Variants in CALN1 observed in about 807,000 individuals in gnomAD.
CALN1 encodes calcium-binding protein 8.
Under a neutral mutation model 30.6 loss-of-function variants are expected in CALN1, and 17 were observed. That is an observed-to-expected ratio of 0.56 (90% CI 0.38 to 0.83). The LOEUF (loss-of-function observed/expected upper bound fraction) is 0.83, where lower values mean the gene tolerates loss of function less well. Ranked by LOEUF, CALN1 falls within the 40% of genes least tolerant of loss-of-function variation. The pLI is 0.00. For missense variants in CALN1, 291 were observed against 354.9 expected (o/e 0.82, Z 1.45); for synonymous variants, 156 against 131.4 (o/e 1.19, Z -1.28).
At chr7:71,849,940 G>A (rs1347871599) in intron 5 of CALN1, among the ~76,000 whole-genome samples, 2 of 152,132 alleles carry the variant, frequency 1.3e-5, no homozygotes, top group Non-Finnish European at 2.9e-5. Flanking sequence ...ACCCGTACTA[G>A]CAACTTTTAA....
At chr7:72,045,547 G>C (rs1477210645) in intron 4 of CALN1, among the ~76,000 whole-genome samples, 2 of 152,020 alleles carry the variant, frequency 1.3e-5, no homozygotes, top group Non-Finnish European at 2.9e-5. Flanking sequence ...TCTTTTTTTG[G>C]AGACAGGGTC....
chr7:72,025,129 G>A (rs1159178754), intron 4 of CALN1, among the ~76,000 whole-genome samples: 1 of 152,072 alleles, frequency 6.6e-6, no homozygotes, highest in African/African-American at 2.4e-5. Flanking sequence ...TGACCAACAT[G>A]GTGAAACCCT....
At chr7:72,076,830 A>G (rs1414672625) in intron 4 of CALN1, among the ~76,000 whole-genome samples, 3 of 152,114 alleles carry the variant, frequency 2.0e-5, no homozygotes, top group Non-Finnish European at 4.4e-5. Flanking sequence ...GGGCCAGGAT[A>G]CTAGACCAGC....
chr7:72,421,511 T>C (rs1179317982), intron 1 of CALN1, among the ~76,000 whole-genome samples: 2 of 151,986 alleles, frequency 1.3e-5, no homozygotes, highest in African/African-American at 4.8e-5. Context: ...GGTGTCATTT[T>C]GTCTTTATTT....
intron 5 of CALN1, among the ~76,000 whole-genome samples, chr7:71,830,049 G>A (rs936458244): frequency 2.5e-5 from 2 of 81,220 alleles, no homozygotes; most frequent in Admixed American, 1.2e-4. Flanking sequence ...TTTTTTTTTT[G>A]TTCTTTTTTG....
chr7:71,990,839 C>G (rs1328133114), intron 5 of CALN1, among the ~76,000 whole-genome samples: 1 of 152,154 alleles, frequency 6.6e-6, no homozygotes, highest in African/African-American at 2.4e-5. Context: ...CAAATTCTTT[C>G]TTGTGCGAGG....
chr7:72,442,545 G>A (rs921325396), intron 1 of CALN1, among the ~76,000 whole-genome samples: 10 of 148,490 alleles, frequency 6.7e-5, no homozygotes, highest in Non-Finnish European at 1.2e-4. Flanking sequence ...GCTTATTTAG[G>A]ATTGGACTTT....
chr7:71,821,929 G>A (rs541633442), intron 5 of CALN1, among the ~76,000 whole-genome samples: 23 of 150,130 alleles, frequency 1.5e-4, no homozygotes, highest in African/African-American at 5.4e-4. Flanking sequence ...CTGGGACTAC[G>A]GCTAATTTTT....
At chr7:72,083,786 G>A (rs1325075805) in intron 4 of CALN1, among the ~76,000 whole-genome samples, 1 of 151,970 alleles carries the variant, frequency 6.6e-6, no homozygotes. Context: ...GGGCATGGTG[G>A]CATATGCCTG....
chr7:72,333,366 T>C (rs2129558250), intron 2 of CALN1, among the ~76,000 whole-genome samples: 1 of 152,352 alleles, frequency 6.6e-6, no homozygotes, highest in African/African-American at 2.4e-5. Flanking sequence ...TTGTTGAATG[T>C]TAAATGATTA....
intron 3 of CALN1, among the ~76,000 whole-genome samples, chr7:72,171,674 G>C (rs1282444574): frequency 6.6e-6 from 1 of 152,146 alleles, no homozygotes; most frequent in African/African-American, 2.4e-5. Flanking sequence ...GAGAAAAAAA[G>C]AGATTTTTGA....
chr7:72,434,051 C>T (rs1347722750), intron 1 of CALN1, among the ~76,000 whole-genome samples: 1 of 151,186 alleles, frequency 6.6e-6, no homozygotes, highest in East Asian at 1.9e-4. Context: ...AAAAGTGAGA[C>T]CCTGTTCCTG....
At chr7:72,054,525 A>T (rs575884097) in intron 4 of CALN1, among the ~76,000 whole-genome samples, 3 of 122,592 alleles carry the variant, frequency 2.4e-5, no homozygotes, top group African/African-American at 9.7e-5. Flanking sequence ...ATATACATAT[A>T]TACATACATA....
intron 2 of CALN1, among the ~76,000 whole-genome samples, chr7:72,360,822 G>A (rs140609000): frequency 7.3e-5 from 11 of 151,630 alleles, no homozygotes; most frequent in Admixed American, 3.3e-4. Context: ...TCCGCCTCCC[G>A]GATTCAAGCA....
chr7:72,230,782 G>A (rs1207119149), intron 3 of CALN1, among the ~76,000 whole-genome samples: 4 of 152,250 alleles, frequency 2.6e-5, no homozygotes, highest in Middle Eastern at 3.4e-3. Context: ...CTGTTAAGCC[G>A]CTAAGTTAGT....
chr7:72,090,447 A>C (rs2129539712), intron 4 of CALN1, among the ~76,000 whole-genome samples: 1 of 152,182 alleles, frequency 6.6e-6, no homozygotes, highest in East Asian at 1.9e-4. Context: ...AAACATCAAA[A>C]CCGTCTATTA....
At chr7:72,276,161 G>C (rs1224008562) in intron 3 of CALN1, among the ~76,000 whole-genome samples, 1 of 152,166 alleles carries the variant, frequency 6.6e-6, no homozygotes, top group Non-Finnish European at 1.5e-5. Context: ...TTCTCAGCCA[G>C]GGCCACTCAG....
chr7:72,436,360 T>C (rs1808160206), intron 1 of CALN1, among the ~76,000 whole-genome samples: 1 of 152,220 alleles, frequency 6.6e-6, no homozygotes. Flanking sequence ...AATTCTCTCT[T>C]GTCTGCTACC....
intron 3 of CALN1, among the ~76,000 whole-genome samples, chr7:72,206,676 G>T (rs200345121): frequency 1.2e-5 from 1 of 86,288 alleles, no homozygotes; most frequent in Non-Finnish European, 2.0e-5. Flanking sequence ...GCTAAAATTT[G>T]TTTTTGTTTT....
Sources: allele counts gnomAD v4.1 joint callset (sites outside exome capture counted in the v4.1 genomes callset), GRCh38; gene constraint gnomAD v4.1.1; transcripts MANE v1.5; gene names NCBI Gene and HGNC (gene_info 2026-07-23, HGNC 2026-07-21).